The following COL6A6 variants were observed in gnomAD, a reference collection of about 807,000 sequenced individuals.
COL6A6 encodes collagen type VI alpha 6 chain, also known as collagen alpha-6(VI) chain.
COL6A6 carries 183 observed loss-of-function variants against 208.6 expected under a neutral mutation model. That is an observed-to-expected ratio of 0.88 (90% CI 0.78 to 0.99). COL6A6 has a LOEUF of 0.99. COL6A6 is among the 50% of genes least tolerant of loss of function. COL6A6 has a pLI of 0.00. For synonymous variants in COL6A6, 973 were observed against 1,011.8 expected, an observed-to-expected ratio of 0.96 and a Z score of 0.73; for missense variants, 2,816 against 2,815.2, an observed-to-expected ratio of 1.00 and a Z score of -0.01.
In COL6A6 at chr3:130,565,174, A is replaced by C; in HGVS notation, c.842A>C (p.Asn281Thr). 6.2e-7 allele frequency: 1 copy of C among 1,614,006 alleles called. No individual in the cohort carries two copies. The highest frequency in any genetic ancestry group is 8.5e-7 in the Non-Finnish European group (1 of 1,179,850). ...TATAGCAATGAGACAAAAGTGATAA[A>C]TTCACTGAGCATGGGCATAAATAAG... The part of the protein sequence containing the change: ...VAYSNETKVI[N>T]SLSMGINKSE... Residue 281 changes from asparagine (N) to threonine (T), a missense_variant, in exon 4 of 37, where the codon AAT (asparagine) becomes ACT (threonine). Coordinates refer to ENST00000358511, the MANE Select transcript of COL6A6 (RefSeq NM_001102608.3).
chr3:130,672,907 G>A (rs2066255021), intron 36 of COL6A6, among the ~76,000 whole-genome samples: 1 of 151,322 alleles, frequency 6.6e-6, no homozygotes, highest in Non-Finnish European at 1.5e-5. Flanking sequence ...TACTTGGGAG[G>A]CTGAGGCAGG....
At chr3:130,532,504 C>T (rs145656734) in intron 1 of COL6A6, among the ~76,000 whole-genome samples, 243 of 152,262 alleles carry the variant, frequency 1.6e-3, no homozygotes, top group African/African-American at 5.4e-3. Context: ...TTCCCAGGGG[C>T]TGGTACACTG....
intron 18 of COL6A6, among the ~76,000 whole-genome samples, chr3:130,594,664 C>T (rs2063802080): frequency 6.6e-6 from 1 of 152,142 alleles, no homozygotes; most frequent in African/African-American, 2.4e-5. Context: ...AACACAATGA[C>T]AGAAAGAAAG....
At chr3:130,587,286 A>G (rs1008320673) in intron 11 of COL6A6, among the ~76,000 whole-genome samples, 3 of 152,206 alleles carry the variant, frequency 2.0e-5, no homozygotes, top group African/African-American at 7.2e-5. Context: ...TGTTTGAGAC[A>G]GTCTTGCTCT....
At chr3:130,579,551 C>A (rs530963993) in intron 8 of COL6A6, among the ~76,000 whole-genome samples, 44 of 152,294 alleles carry the variant, frequency 2.9e-4, no homozygotes, top group African/African-American at 9.6e-4. Flanking sequence ...CTCTTATCAC[C>A]CTCTGTAGCC....
In COL6A6 at chr3:130,563,474, C is replaced by A; in HGVS notation, c.471C>A (p.Asp157Glu). The A allele has an allele frequency of 6.2e-7, 1 of 1,613,996 alleles. No individual in the cohort carries two copies. The highest frequency in any genetic ancestry group is 8.5e-7 in the Non-Finnish European group (1 of 1,179,886). Residue 157 changes from aspartate (D) to glutamate (E), a missense_variant, in exon 3 of 37, where the codon GAC becomes GAA. By Grantham distance (45) the Asp-to-Glu change is conservative. Coordinates refer to ENST00000358511, the MANE Select transcript of COL6A6 (RefSeq NM_001102608.3). ...VEEASKALRK[D>E]GVKIISVGVQ... is the part of the protein sequence containing the mutation. Reference sequence around the variant, plus strand: ...AGGCATCAAAGGCCCTGCGGAAAGACGGAGTGAAAATCATCTCTGTAGGGG... The same window carrying A: ...AGGCATCAAAGGCCCTGCGGAAAGAAGGAGTGAAAATCATCTCTGTAGGGG...
At chr3:130,634,407 C>T (rs2065048347) in intron 26 of COL6A6, among the ~76,000 whole-genome samples, 183 bp from the exon 27 acceptor site, 1 of 152,132 alleles carries the variant, frequency 6.6e-6, no homozygotes, top group African/African-American at 2.4e-5. Context: ...CCCTTAAATA[C>T]TTTAACTTAT....
At chr3:130,522,355 A>G (rs1312548528) in intron 1 of COL6A6, among the ~76,000 whole-genome samples, 2 of 152,228 alleles carry the variant, frequency 1.3e-5, no homozygotes, top group Non-Finnish European at 2.9e-5. Context: ...CTCCAGAACA[A>G]TGAGGGTTTA....
At chr3:130,665,609 TAATG>T (rs1389433961) in intron 36 of COL6A6, among the ~76,000 whole-genome samples, 4 of 152,216 alleles carry the variant, frequency 2.6e-5, no homozygotes, top group Non-Finnish European at 5.9e-5. Flanking sequence ...AGTATAAAGA[TAATG>T]AATTATAACA....
chr3:130,661,541 C>T, intron 34 of COL6A6, 96 bp from the exon 35 acceptor site: 2 of 952,418 alleles, frequency 2.1e-6, no homozygotes, highest in South Asian at 1.8e-5. Flanking sequence ...ATTTTAACAT[C>T]AAAGACTATG....
At chr3:130,584,759 C>T (rs111478502) in intron 10 of COL6A6, among the ~76,000 whole-genome samples, 28 of 152,058 alleles carry the variant, frequency 1.8e-4, no homozygotes, top group African/African-American at 6.5e-4. Flanking sequence ...GGACTACAGG[C>T]GCCTGCCACC....
intron 34 of COL6A6, among the ~76,000 whole-genome samples, chr3:130,659,600 C>A (rs944439553): frequency 6.6e-6 from 1 of 152,116 alleles, no homozygotes; most frequent in Non-Finnish European, 1.5e-5. Context: ...CTATTAGTTC[C>A]ATTTTACAGA....
At chr3:130,635,235 CA>C (rs529904388) in intron 27 of COL6A6, among the ~76,000 whole-genome samples, 1 of 146,894 alleles carries the variant, frequency 6.8e-6, no homozygotes, top group African/African-American at 2.5e-5. Flanking sequence ...ACTCTGTCTC[CA>C]AAAAAAAATA....
chr3:130,560,500 A>T, intron 2 of COL6A6, 72 bp downstream of exon 2: 1 of 1,334,856 alleles, frequency 7.5e-7, no homozygotes, highest in East Asian at 2.3e-5. Context: ...TGACCTATTT[A>T]AAAGTTACAA....
At chr3:130,646,816 T>C (rs558425752) in intron 32 of COL6A6, among the ~76,000 whole-genome samples, 1 of 152,240 alleles carries the variant, frequency 6.6e-6, no homozygotes, top group South Asian at 2.1e-4. Context: ...GGGGTGGGTA[T>C]TAAAGAGTAT....
rs376174245 is a variant in COL6A6 at position 130,599,747 on chromosome 3, C to T, written c.4600-10C>T. 2.9e-5 allele frequency: 47 copies of T among 1,613,560 alleles called. No individual in the cohort carries two copies. Among genetic ancestry groups the T allele is most frequent in the Non-Finnish European group, 3.6e-5 (43 of 1,179,632 alleles). On this transcript the variant is annotated splice_polypyrimidine_tract_variant and intron_variant, in intron 19 of 36. Coordinates refer to ENST00000358511, the MANE Select transcript of COL6A6 (RefSeq NM_001102608.3). ...AATTACCGTCACACATCTGTCTGTTCCTTTGACAGGGCAGAAGAGGCTGGC... is the reference window on the plus strand; with the variant it reads ...AATTACCGTCACACATCTGTCTGTTTCTTTGACAGGGCAGAAGAGGCTGGC...
chr3:130,523,302 T>C (rs1462071958), intron 1 of COL6A6, among the ~76,000 whole-genome samples: 1 of 152,154 alleles, frequency 6.6e-6, no homozygotes, highest in African/African-American at 2.4e-5. Context: ...CTAGGAAAAG[T>C]GCCCTTCCCT....
chr3:130,669,509 CT>C (rs2108487565), intron 36 of COL6A6, among the ~76,000 whole-genome samples: 1 of 151,992 alleles, frequency 6.6e-6, no homozygotes, highest in African/African-American at 2.4e-5. Context: ...ATACTTAGAA[CT>C]GTGTAACAAT....
At chr3:130,599,663 C>A in intron 19 of COL6A6, 94 bp from the exon 20 acceptor site, 1 of 1,253,746 alleles carries the variant, frequency 8.0e-7, no homozygotes, top group Non-Finnish European at 1.2e-6. Context: ...GTGTGTGAAC[C>A]TATCTATCCT....
Sources: allele counts gnomAD v4.1 joint callset (sites outside exome capture counted in the v4.1 genomes callset), GRCh38; gene constraint gnomAD v4.1.1; transcripts MANE v1.5; gene names NCBI Gene and HGNC (gene_info 2026-07-23, HGNC 2026-07-21).